The following PIK3R3 variants were observed in gnomAD, a reference collection of about 807,000 sequenced individuals.
The protein encoded by PIK3R3 is phosphatidylinositol 3-kinase regulatory subunit gamma.
A neutral mutation model predicts 62.9 loss-of-function variants in PIK3R3; 64 were observed. The ratio of observed to expected loss-of-function variants is 1.02; its 90% CI spans 0.83 to 1.25. The LOEUF (loss-of-function observed/expected upper bound fraction) is 1.25. PIK3R3 is among the 50% of genes most tolerant of loss of function. The pLI is 0.00. For synonymous variants in PIK3R3, 165 were observed against 189.0 expected (o/e 0.87, Z 1.04); for missense variants, 614 against 561.6 (o/e 1.09, Z -0.94).
chr1:46,043,925 G>T, intron 9 of PIK3R3, 54 bp from the exon 10 acceptor site: 1 of 1,424,744 alleles, frequency 7.0e-7, no homozygotes, highest in Non-Finnish European at 9.7e-7. Flanking sequence ...TAGATAAAAG[G>T]ACACTAAATG....
chr1:46,072,032 C>T (rs1557580067), intron 3 of PIK3R3, among the ~76,000 whole-genome samples: 1 of 152,108 alleles, frequency 6.6e-6, no homozygotes, highest in Non-Finnish European at 1.5e-5. Context: ...TCCCCTCCCA[C>T]TTTCTACATG....
chr1:46,123,184 CAT>C (rs1327730385), intron 1 of PIK3R3, among the ~76,000 whole-genome samples: 14 of 152,286 alleles, frequency 9.2e-5, no homozygotes, highest in Admixed American at 2.0e-4. Context: ...TAATATAACA[CAT>C]GATTCCAAGT....
chr1:46,043,020 G>A lies in PIK3R3; in HGVS notation c.*653C>T, dbSNP rs1282065488. 3.1e-5 allele frequency: 7 copies of A among 223,198 alleles called. No individual in the cohort carries two copies. The highest frequency in any genetic ancestry group is 5.4e-5 in the Non-Finnish European group (6 of 111,560). The allele number at this position is 223,198 out of a possible 1,614,324, so 13.8% of individuals were successfully genotyped here. On this transcript the variant is annotated 3_prime_UTR_variant, in exon 10 of 10. Transcript: ENST00000262741. ...GGTCTGGCAACAAACTGTTTTGTTG[G>A]CTTCTGAACATAATACTTCTTCAGA...
At chr1:46,046,952 C>T (rs1363402495) in intron 7 of PIK3R3, 4 of 356,412 alleles carry the variant, frequency 1.1e-5, no homozygotes, top group South Asian at 5.2e-5. Flanking sequence ...TTTCTGAAAA[C>T]ATTAGGTTAG....
chr1:46,044,039 C>CTG lies in PIK3R3; in HGVS notation c.1188-169_1188-168insCA, dbSNP rs1647049120. ...TTCCCTACAGACTTGGCCACAGATA[C>CTG]GGGTGTTAAAACAACCACAAATGTA... On this transcript the variant is annotated intron_variant, in intron 9 of 9. Transcript: ENST00000262741. The surrounding 1 kb of genome is among the most constrained non-coding windows in gnomAD (Gnocchi z 4.2). Among the ~76,000 whole-genome samples, 2 of 151,908 alleles carry CTG rather than the reference C, an allele frequency of 1.3e-5. No homozygotes were observed. Among genetic ancestry groups the CTG allele is most frequent in the Non-Finnish European group, 2.9e-5 (2 of 68,012 alleles).
intron 1 of PIK3R3, among the ~76,000 whole-genome samples, chr1:46,112,025 C>A (rs1316791118): frequency 6.6e-6 from 1 of 152,094 alleles, no homozygotes; most frequent in Non-Finnish European, 1.5e-5. Context: ...ACTATATATT[C>A]ACTTCTTATT....
chr1:46,063,989 G>A (rs1048413355), intron 5 of PIK3R3, among the ~76,000 whole-genome samples: 4 of 152,114 alleles, frequency 2.6e-5, no homozygotes, highest in African/African-American at 4.8e-5. Flanking sequence ...GAGTCGGGTC[G>A]ATCACTTCAA....
chr1:46,069,785 G>A (rs1056222558), intron 3 of PIK3R3, among the ~76,000 whole-genome samples: 2 of 152,148 alleles, frequency 1.3e-5, no homozygotes, highest in Non-Finnish European at 1.5e-5. Context: ...CAGAGACATG[G>A]AAGGAAGAAT....
the PIK3R3 span, among the ~76,000 whole-genome samples, chr1:46,164,586 G>A: frequency 5.3e-5 from 8 of 152,208 alleles, no homozygotes; most frequent in Middle Eastern, 3.4e-3. Flanking sequence ...CCGAGATTGC[G>A]CCATTGCACT....
chr1:46,061,778 G>T, intron 6 of PIK3R3, 151 bp downstream of exon 6: 1 of 735,392 alleles, frequency 1.4e-6, no homozygotes, highest in Non-Finnish European at 2.4e-6. Flanking sequence ...GAGAGAGGAA[G>T]TTCAATTTGG....
At chr1:46,054,685 AT>A (rs1050266380) in intron 7 of PIK3R3, among the ~76,000 whole-genome samples, 3 of 152,196 alleles carry the variant, frequency 2.0e-5, no homozygotes, top group Admixed American at 2.0e-4. Context: ...TTTCTCATGC[AT>A]TCTGTCCTAT....
At chr1:46,134,910 A>G (rs1655874646), upstream of PIK3R3, among the ~76,000 whole-genome samples, 1 of 152,250 alleles carries the variant, frequency 6.6e-6, no homozygotes, top group Non-Finnish European at 1.5e-5. Flanking sequence ...GTCAAGGCTG[A>G]CACATGGAGT....
chr1:46,056,710 C>A (rs1371377561), intron 6 of PIK3R3: 1 of 152,248 alleles, frequency 6.6e-6, no homozygotes, highest in Non-Finnish European at 1.5e-5. Flanking sequence ...TGTCACTTCA[C>A]CGGCAATGCC....
intron 1 of PIK3R3, among the ~76,000 whole-genome samples, chr1:46,127,402 C>CA (rs574405209): frequency 6.2e-5 from 9 of 145,564 alleles, no homozygotes; most frequent in African/African-American, 1.8e-4. Context: ...TTGATAAGAA[C>CA]AAAAAAAAGC....
the PIK3R3 span, chr1:46,138,994 ATT>A: frequency 1.3e-5 from 2 of 152,236 alleles, no homozygotes; most frequent in Non-Finnish European, 2.9e-5. Flanking sequence ...AGTGTGTGAA[ATT>A]CTAAATTATG....
chr1:46,150,125 T>C, the PIK3R3 span, among the ~76,000 whole-genome samples: 2 of 152,210 alleles, frequency 1.3e-5, no homozygotes, highest in South Asian at 2.1e-4. Flanking sequence ...GGTAACAACA[T>C]GGATTCCTGA....
the PIK3R3 span, among the ~76,000 whole-genome samples, chr1:46,157,416 G>A: frequency 2.0e-5 from 3 of 152,074 alleles, no homozygotes; most frequent in African/African-American, 7.2e-5. Context: ...TACAAGACAT[G>A]AGCCACTGTG....
the PIK3R3 span, among the ~76,000 whole-genome samples, chr1:46,159,841 A>T: frequency 1.3e-5 from 2 of 152,176 alleles, no homozygotes; most frequent in Non-Finnish European, 2.9e-5. Context: ...GCCAAAGGAA[A>T]CTACCCAAAT....
At chr1:46,164,193 C>A in the PIK3R3 span, among the ~76,000 whole-genome samples, 1 of 152,140 alleles carries the variant, frequency 6.6e-6, no homozygotes, top group Non-Finnish European at 1.5e-5. Context: ...AAACTGAACT[C>A]AAGCCTCCTG....
Sources: gnomAD v4.1 joint callset for allele counts (sites outside exome capture counted in the v4.1 genomes callset) on GRCh38, gnomAD v4.1.1 for gene constraint, Gnocchi (gnomAD v3.1) non-coding constraint, MANE v1.5 for transcripts, NCBI Gene and HGNC (gene_info 2026-07-23, HGNC 2026-07-21) for gene names.